Variants in PEX14 observed in about 807,000 individuals in gnomAD.
PEX14 encodes peroxisomal membrane protein PEX14.
In PEX14, 15 loss-of-function variants were observed where a neutral mutation model predicts 49.5. The observed-to-expected ratio is 0.30, with a 90% CI of 0.20 to 0.47. The LOEUF is 0.47. Ranked by LOEUF, PEX14 falls within the 20% of genes least tolerant of loss-of-function variation. PEX14 has a pLI of 1.00. For synonymous variants in PEX14, 210 were observed against 212.7 expected (o/e 0.99, Z 0.11); for missense variants, 398 against 494.8 (o/e 0.80, Z 1.86).
chr1:10,568,942 A>G (rs929953822), intron 3 of PEX14, among the ~76,000 whole-genome samples: 1 of 151,882 alleles, frequency 6.6e-6, no homozygotes, highest in African/African-American at 2.4e-5. Context: ...GTTTCACCAC[A>G]TTGGCCAGGC....
At chr1:10,614,998 G>GT (rs1641372610) in intron 4 of PEX14, among the ~76,000 whole-genome samples, 2 of 152,202 alleles carry the variant, frequency 1.3e-5, no homozygotes, top group South Asian at 4.1e-4. Flanking sequence ...GTCTGCCTCA[G>GT]TGCTCTTAGA....
chr1:10,610,370 TATAC>T (rs1225043284), intron 4 of PEX14, among the ~76,000 whole-genome samples: 1,277 of 98,538 alleles, frequency 0.013, 20 homozygotes, highest in African/African-American at 0.039. Flanking sequence ...TATATATATA[TATAC>T]ACACACACAC....
At chr1:10,487,099 G>T (rs1167551598) in intron 1 of PEX14, among the ~76,000 whole-genome samples, 1 of 152,042 alleles carries the variant, frequency 6.6e-6, no homozygotes, top group African/African-American at 2.4e-5. Flanking sequence ...TTAATATGGT[G>T]ATTTATGTTG....
At position 10,618,216 on chromosome 1, in the gene PEX14, C is replaced by T. The variant is rs897501211; in HGVS notation, c.299-116C>T. On this transcript the variant is annotated intron_variant, in intron 4 of 8. Transcript: ENST00000356607. Reference sequence around the variant, plus strand: ...TGCTGCCTTCCTGCGTTGGAGTGTTCCACTTGCCCATTGTTGGAGGCGAGG... The same window carrying T: ...TGCTGCCTTCCTGCGTTGGAGTGTTTCACTTGCCCATTGTTGGAGGCGAGG... 54 of 751,836 alleles carry T rather than the reference C, an allele frequency of 7.2e-5. 1 individual carries two copies. The Admixed American group carries it at 1.0e-3, about 14-fold the overall frequency. 46.6% of individuals were successfully genotyped at this position (751,836 alleles called of 1,614,324 possible). A position where few individuals can be genotyped will look rare whatever the true frequency, so the allele number is the denominator to read the frequency against.
At chr1:10,535,973 G>C in intron 2 of PEX14, 1 of 494,220 alleles carries the variant, frequency 2.0e-6, no homozygotes, top group Non-Finnish European at 3.7e-6. Context: ...ATCGTCGCAG[G>C]CCTGAAGCTC....
intron 2 of PEX14, among the ~76,000 whole-genome samples, chr1:10,499,830 G>A (rs911523282): frequency 3.3e-5 from 5 of 152,034 alleles, no homozygotes; most frequent in Non-Finnish European, 5.9e-5. Flanking sequence ...TTAGTATGCT[G>A]AATTCTTCAA....
At chr1:10,605,806 G>C (rs1641109904) in intron 4 of PEX14, among the ~76,000 whole-genome samples, 1 of 152,192 alleles carries the variant, frequency 6.6e-6, no homozygotes, top group Non-Finnish European at 1.5e-5. Context: ...TGTATATGAA[G>C]AAAGTATTTC....
intron 1 of PEX14, among the ~76,000 whole-genome samples, chr1:10,487,463 A>G (rs952429221): frequency 8.3e-6 from 1 of 121,182 alleles, no homozygotes; most frequent in African/African-American, 3.0e-5. Flanking sequence ...TATATACTTT[A>G]TTACTTTTTC....
chr1:10,552,002 A>G (rs942117587), intron 3 of PEX14, among the ~76,000 whole-genome samples: 7 of 152,112 alleles, frequency 4.6e-5, no homozygotes, highest in African/African-American at 1.7e-4. Context: ...CTGAGGCAGG[A>G]GAATCTCTTG....
intron 4 of PEX14, among the ~76,000 whole-genome samples, chr1:10,614,676 G>A (rs1020147313): frequency 2.0e-5 from 3 of 152,218 alleles, no homozygotes; most frequent in African/African-American, 7.2e-5. Flanking sequence ...AGGCTTCATG[G>A]TGTCTGAGAA....
chr1:10,479,412 G>C (rs1247878161), intron 1 of PEX14, among the ~76,000 whole-genome samples: 2 of 152,024 alleles, frequency 1.3e-5, no homozygotes, highest in Admixed American at 1.3e-4. Context: ...AGAAAGTGCT[G>C]AGATTATAAG....
chr1:10,578,748 A>G (rs937179424), intron 3 of PEX14, among the ~76,000 whole-genome samples: 4 of 152,180 alleles, frequency 2.6e-5, no homozygotes, highest in South Asian at 2.1e-4. Flanking sequence ...AACCAAATGT[A>G]AATCTTAGAA....
intron 3 of PEX14, among the ~76,000 whole-genome samples, chr1:10,541,672 C>T (rs1639018164): frequency 6.6e-6 from 1 of 152,212 alleles, no homozygotes; most frequent in South Asian, 2.1e-4. Flanking sequence ...GCTGTTCTGG[C>T]CCAGCCTATT....
intron 3 of PEX14, among the ~76,000 whole-genome samples, chr1:10,591,014 G>A (rs1047405956): frequency 2.8e-4 from 42 of 151,924 alleles, no homozygotes; most frequent in African/African-American, 9.7e-4. Flanking sequence ...TTTCTTAAAG[G>A]AACAAAAAAT....
At chr1:10,624,764 C>A (rs1255840655) in intron 7 of PEX14, among the ~76,000 whole-genome samples, 1 of 152,148 alleles carries the variant, frequency 6.6e-6, no homozygotes, top group Non-Finnish European at 1.5e-5. Context: ...TCTGTGTAGA[C>A]ATGGGACGGT....
intron 2 of PEX14, among the ~76,000 whole-genome samples, chr1:10,520,150 TTTTTTTTTTTTTG>T (rs1638233846): frequency 1.4e-5 from 1 of 73,160 alleles, no homozygotes; most frequent in Admixed American, 1.5e-4. Flanking sequence ...TTCTTCTTCT[TTTTTTTTTTTTTG>T]TTTTTTTAAC....
chr1:10,521,457 A>G (rs11585463), intron 2 of PEX14, among the ~76,000 whole-genome samples: 12,237 of 152,312 alleles, frequency 0.08, 669 homozygotes, highest in Non-Finnish European at 0.12. Context: ...AAGATTTTTC[A>G]AGCCACATCT....
At chr1:10,504,369 TG>T (rs368247695) in intron 2 of PEX14, among the ~76,000 whole-genome samples, 99 of 152,334 alleles carry the variant, frequency 6.5e-4, no homozygotes, top group African/African-American at 2.3e-3. Flanking sequence ...GGGCACTCCT[TG>T]ACAGTCAGAG....
chr1:10,556,250 G>A (rs1639485677), intron 3 of PEX14, among the ~76,000 whole-genome samples: 1 of 152,110 alleles, frequency 6.6e-6, no homozygotes, highest in South Asian at 2.1e-4. Context: ...GTGATACTGT[G>A]AACATGCTGC....
Sources: gnomAD v4.1 joint callset for allele counts (sites outside exome capture counted in the v4.1 genomes callset) on GRCh38, gnomAD v4.1.1 for gene constraint, MANE v1.5 for transcripts, NCBI Gene and HGNC (gene_info 2026-07-23, HGNC 2026-07-21) for gene names.